PPP3R1: variants seen among roughly 807,000 people sequenced by gnomAD.
PPP3R1 encodes calcineurin subunit B type 1.
A neutral mutation model predicts 22.6 loss-of-function variants in PPP3R1; 5 were observed. That is an observed-to-expected ratio of 0.22 (90% CI 0.12 to 0.46). The LOEUF (loss-of-function observed/expected upper bound fraction) is 0.46, where lower values mean the gene tolerates loss of function less well. PPP3R1 is among the 20% of genes least tolerant of loss of function. PPP3R1 has a pLI of 0.99. For missense variants in PPP3R1, 61 were observed against 203.2 expected (o/e 0.30, Z 4.25); for synonymous variants, 56 against 65.2 (o/e 0.86, Z 0.68).
Position 68,180,574 on chromosome 2 carries a change from AG to A in PPP3R1, c.*388del. Reference sequence around the variant, plus strand: ...ACTCTATTGTTTTGTTTCTGAATCAAGTATATTAAATTAAAGCCAACCTACT... The same window carrying A: ...ACTCTATTGTTTTGTTTCTGAATCAATATATTAAATTAAAGCCAACCTACT... On this transcript the variant is annotated 3_prime_UTR_variant, in exon 6 of 6. Coordinates refer to ENST00000234310, the MANE Select transcript of PPP3R1 (RefSeq NM_000945.4). 1 of 153,472 alleles carries A rather than the reference AG, an allele frequency of 6.5e-6. No individual in the cohort carries two copies. Among genetic ancestry groups the A allele is most frequent in the South Asian group, 2.1e-4 (1 of 4,856 alleles). The allele number at this position is 153,472 out of a possible 1,614,324, so 9.5% of individuals were successfully genotyped here.
At chr2:68,237,640 A>C (rs1670043187) in intron 1 of PPP3R1, among the ~76,000 whole-genome samples, 1 of 152,190 alleles carries the variant, frequency 6.6e-6, no homozygotes, top group Non-Finnish European at 1.5e-5. Context: ...GAGTAGCCAG[A>C]AGAAATCTAG....
rs1457934759 is a variant in PPP3R1, at chr2:68,232,243, GTGTGTGTGTGTGTGTGTGTGTGTATA to G, written c.4-15138_4-15113del. On this transcript the variant is annotated intron_variant, in intron 1 of 5. Transcript: ENST00000234310. ...TATATATGTGTGTGTGTGTGTGTGT[GTGTGTGTGTGTGTGTGTGTGTGTATA>G]TATATATACACACACACAAAAATTA... Among the ~76,000 whole-genome samples, 163 of 67,318 alleles carry G rather than the reference GTGTGTGTGTGTGTGTGTGTGTGTATA, an allele frequency of 2.4e-3. 3 individuals are homozygous for G. In the South Asian group the frequency reaches 0.033, roughly 14 times the overall value. The allele number at this position is 67,318 out of a possible 152,430, so 44.2% of individuals were successfully genotyped here.
At chr2:68,224,888 TA>T (rs1279108291) in intron 1 of PPP3R1, among the ~76,000 whole-genome samples, 2 of 152,158 alleles carry the variant, frequency 1.3e-5, no homozygotes, top group Non-Finnish European at 2.9e-5. Context: ...CTTGAATAGA[TA>T]TTTCACAACA....
intron 1 of PPP3R1, among the ~76,000 whole-genome samples, chr2:68,241,081 T>C (rs538663870): frequency 1.3e-5 from 2 of 152,284 alleles, no homozygotes; most frequent in South Asian, 2.1e-4. Context: ...CGCTCTACAG[T>C]GGTCCCTCAG....
intron 2 of PPP3R1, among the ~76,000 whole-genome samples, chr2:68,200,345 A>G (rs1674949970): frequency 6.6e-6 from 1 of 152,218 alleles, no homozygotes; most frequent in Non-Finnish European, 1.5e-5. Context: ...TCCTCCTTAT[A>G]TAAAAAATGA....
intron 2 of PPP3R1, among the ~76,000 whole-genome samples, chr2:68,195,928 T>C (rs1273164426): frequency 6.6e-6 from 1 of 151,464 alleles, no homozygotes; most frequent in African/African-American, 2.4e-5. Flanking sequence ...TCTGGCACCA[T>C]AATATGTTCA....
rs1301798858 is a variant in PPP3R1, at chr2:68,252,288, C to A, written c.-161G>T. ...AGGGGAGGCGGCGCCGCGGGGCCCG[C>A]GCCGGCCGGGCGATTGGGCACGCGA... On this transcript the variant is annotated 5_prime_UTR_variant, in exon 1 of 6. Transcript: ENST00000234310. 1 of 1,030,476 alleles carries A rather than the reference C, an allele frequency of 9.7e-7. No individual in the cohort carries two copies. The highest frequency in any genetic ancestry group is 4.4e-5 in the South Asian group (1 of 22,508). The allele number at this position is 1,030,476 out of a possible 1,614,324, so 63.8% of individuals were successfully genotyped here. A position where few individuals can be genotyped will look rare whatever the true frequency, so the allele number is the denominator to read the frequency against.
At chr2:68,250,017 G>C (rs1242457226) in intron 1 of PPP3R1, among the ~76,000 whole-genome samples, 5 of 152,162 alleles carry the variant, frequency 3.3e-5, no homozygotes, top group Admixed American at 6.5e-5. Context: ...ATCCCATATG[G>C]CAAAGTTGAG....
chr2:68,186,854 G>A (rs1317187459), intron 4 of PPP3R1, among the ~76,000 whole-genome samples: 1 of 152,162 alleles, frequency 6.6e-6, no homozygotes, highest in African/African-American at 2.4e-5. Flanking sequence ...GAGCAGATTT[G>A]GTGGAGCTTA....
In PPP3R1 at chr2:68,180,533, T is replaced by C. The variant is rs1402419220; in HGVS notation, c.*430A>G. 1 of 152,880 alleles carries C rather than the reference T, an allele frequency of 6.5e-6. No homozygotes were observed. The highest frequency in any genetic ancestry group is 1.5e-5 in the Non-Finnish European group (1 of 68,220). 9.5% of individuals were successfully genotyped at this position (152,880 alleles called of 1,614,324 possible). A position where few individuals can be genotyped will look rare whatever the true frequency, so the allele number is the denominator to read the frequency against. On this transcript the variant is annotated 3_prime_UTR_variant, in exon 6 of 6. Transcript: ENST00000234310. ...ATAAAAGTAAGGATGTTTTATGTTC[T>C]GCTTGGCACTTTTGTACTCTATTGT...
At position 68,234,325 on chromosome 2, in the gene PPP3R1, A is replaced by G. The variant is rs572042751; in HGVS notation, c.4-17194T>C. 3.3e-5 allele frequency among the ~76,000 whole-genome samples: 5 copies of G among 152,130 alleles called. No homozygotes were observed. In the South Asian group the frequency reaches 1.0e-3, roughly 32 times the overall value. The stretch of plus-strand genomic sequence containing the variant: ...GCCACTGCACTCCAGCCTGGGGAAC[A>G]GAGTGAGACTCCGTCCAAAAAAAAA... On this transcript the variant is annotated intron_variant, in intron 1 of 5. Coordinates refer to ENST00000234310, the MANE Select transcript of PPP3R1 (RefSeq NM_000945.4).
chr2:68,215,656 G>A (rs150647519), intron 2 of PPP3R1, among the ~76,000 whole-genome samples: 317 of 152,286 alleles, frequency 2.1e-3, no homozygotes, highest in Admixed American at 3.9e-3. Context: ...ATAGCAGAAA[G>A]TTTGAATAGT....
At chr2:68,231,508 G>GA in intron 1 of PPP3R1, among the ~76,000 whole-genome samples, 1 of 151,914 alleles carries the variant, frequency 6.6e-6, no homozygotes, top group African/African-American at 2.4e-5. Flanking sequence ...GGTATTCTAT[G>GA]AAAAAAAGCA....
intron 2 of PPP3R1, 85 bp from the exon 3 acceptor site, chr2:68,188,775 A>C: frequency 1.6e-6 from 2 of 1,254,632 alleles, no homozygotes; most frequent in Non-Finnish European, 1.1e-6. Context: ...ATTTTAAAAA[A>C]AATTTTAATA....
intron 1 of PPP3R1, among the ~76,000 whole-genome samples, chr2:68,220,838 G>A (rs985765128): frequency 6.6e-6 from 1 of 152,154 alleles, no homozygotes; most frequent in Non-Finnish European, 1.5e-5. Flanking sequence ...AGAGACTGGT[G>A]GGTGCCAGTT....
intron 1 of PPP3R1, among the ~76,000 whole-genome samples, chr2:68,234,341 C>CA (rs755395230): frequency 1.4e-3 from 177 of 128,230 alleles, no homozygotes; most frequent in East Asian, 5.9e-3. Context: ...AGACTCCGTC[C>CA]AAAAAAAAAA....
At chr2:68,192,550 A>ATT (rs1426350972) in intron 2 of PPP3R1, among the ~76,000 whole-genome samples, 1 of 152,160 alleles carries the variant, frequency 6.6e-6, no homozygotes, top group Non-Finnish European at 1.5e-5. Context: ...TAGGCACTTA[A>ATT]AGGATTGTTT....
At chr2:68,195,749 C>T (rs781029059) in intron 2 of PPP3R1, among the ~76,000 whole-genome samples, 15 of 152,140 alleles carry the variant, frequency 9.9e-5, no homozygotes, top group Non-Finnish European at 2.1e-4. Context: ...AAAATACTTA[C>T]ATCAGCATGG....
chr2:68,186,812 T>C (rs144285522), intron 4 of PPP3R1, among the ~76,000 whole-genome samples, 160 bp from the exon 5 acceptor site: 2 of 152,372 alleles, frequency 1.3e-5, no homozygotes, highest in Admixed American at 6.5e-5. Flanking sequence ...TTTAACATAG[T>C]TGGTTAAACG....
Sources: gnomAD v4.1 joint callset for allele counts (sites outside exome capture counted in the v4.1 genomes callset) on GRCh38, gnomAD v4.1.1 for gene constraint, MANE v1.5 for transcripts, NCBI Gene and HGNC (gene_info 2026-07-23, HGNC 2026-07-21) for gene names.